The following IFT43 variants were observed in gnomAD, a reference collection of about 807,000 sequenced individuals.
IFT43 encodes intraflagellar transport 43, also known as intraflagellar transport protein 43 homolog.
Under a neutral mutation model 32.3 loss-of-function variants are expected in IFT43, and 33 were observed. That is an observed-to-expected ratio of 1.02 (90% CI 0.77 to 1.37). The LOEUF (loss-of-function observed/expected upper bound fraction) is 1.37. Ranked by LOEUF, IFT43 falls within the 40% of genes most tolerant of loss-of-function variation. The pLI, the probability that IFT43 is intolerant of heterozygous loss-of-function variation, is 0.00. For synonymous variants in IFT43, 93 were observed against 98.2 expected (o/e 0.95, Z 0.31); for missense variants, 274 against 265.9 (o/e 1.03, Z -0.21).
chr14:75,999,269 ATATGTATATATATTTTTT>A (rs1246166205), intron 2 of IFT43, among the ~76,000 whole-genome samples: 4 of 24,252 alleles, frequency 1.6e-4, no homozygotes, highest in African/African-American at 9.5e-4. Context: ...ATATATATAT[ATATGTATATATATTTTTT>A]TTTTTTTTTT....
At chr14:75,990,579 T>A (rs2035617815) in intron 2 of IFT43, among the ~76,000 whole-genome samples, 1 of 152,174 alleles carries the variant, frequency 6.6e-6, no homozygotes, top group Admixed American at 6.5e-5. Flanking sequence ...TAGTGTGTGA[T>A]GTACTTACAC....
intron 3 of IFT43, among the ~76,000 whole-genome samples, chr14:76,040,095 G>A (rs2036678990): frequency 6.6e-6 from 1 of 152,134 alleles, no homozygotes; most frequent in Admixed American, 6.5e-5. Flanking sequence ...TGGGACTGCA[G>A]GTGTGTGTCA....
chr14:76,071,629 C>G (rs963082275), intron 5 of IFT43, among the ~76,000 whole-genome samples: 2 of 152,140 alleles, frequency 1.3e-5, no homozygotes, highest in African/African-American at 4.8e-5. Context: ...TTCCTCCATA[C>G]AGGTACACGA....
intron 3 of IFT43, among the ~76,000 whole-genome samples, chr14:76,026,617 G>A (rs1402776384): frequency 2.0e-5 from 3 of 151,374 alleles, no homozygotes; most frequent in African/African-American, 7.3e-5. Context: ...AAAAAGGAAC[G>A]ATTATACAGT....
chr14:76,082,201 G>C (rs2037522511), intron 5 of IFT43, 94 bp from the exon 6 acceptor site: 1 of 1,123,098 alleles, frequency 8.9e-7, no homozygotes. Flanking sequence ...CAGCCCCATG[G>C]CTGGTGTGTT....
At chr14:75,993,338 C>T (rs905330905) in intron 2 of IFT43, among the ~76,000 whole-genome samples, 1 of 152,176 alleles carries the variant, frequency 6.6e-6, no homozygotes, top group African/African-American at 2.4e-5. Flanking sequence ...GAAGCCCTGG[C>T]ACAGTGAGAA....
At chr14:76,063,272 G>A (rs895602666) in intron 5 of IFT43, among the ~76,000 whole-genome samples, 4 of 152,174 alleles carry the variant, frequency 2.6e-5, no homozygotes, top group African/African-American at 7.2e-5. Flanking sequence ...ATCATAATGC[G>A]TAACCCCCTC....
intron 3 of IFT43, among the ~76,000 whole-genome samples, chr14:76,036,596 G>A (rs1355830802): frequency 7.2e-5 from 11 of 151,966 alleles, no homozygotes; most frequent in Non-Finnish European, 1.5e-4. Context: ...GTAGAGACAA[G>A]GTTTTGCCAT....
intron 3 of IFT43, among the ~76,000 whole-genome samples, chr14:76,034,036 T>A (rs2036555028): frequency 6.6e-6 from 1 of 152,202 alleles, no homozygotes; most frequent in Non-Finnish European, 1.5e-5. Flanking sequence ...GTAACTTTAT[T>A]GTCAGTCTAG....
intron 3 of IFT43, among the ~76,000 whole-genome samples, chr14:76,034,062 G>A (rs2036555441): frequency 1.3e-5 from 2 of 152,220 alleles, no homozygotes; most frequent in Admixed American, 1.3e-4. Flanking sequence ...GCAGAGAATT[G>A]ACCCCGGAAA....
chr14:76,011,096 G>C (rs1041976986), intron 2 of IFT43, among the ~76,000 whole-genome samples: 1 of 151,908 alleles, frequency 6.6e-6, no homozygotes, highest in African/African-American at 2.4e-5. Flanking sequence ...TATTGGTAGA[G>C]ATGGGGTCTC....
intron 5 of IFT43, among the ~76,000 whole-genome samples, chr14:76,074,991 GGA>G (rs1331446647): frequency 2.0e-5 from 3 of 152,162 alleles, no homozygotes; most frequent in African/African-American, 4.8e-5. Flanking sequence ...AGCAGTATCA[GGA>G]GAGATTCAGT....
intron 3 of IFT43, among the ~76,000 whole-genome samples, chr14:76,033,123 T>C (rs1402727375): frequency 1.3e-5 from 2 of 152,074 alleles, no homozygotes; most frequent in East Asian, 3.9e-4. Flanking sequence ...CAAGGGGCCT[T>C]TGAGAAAGTG....
intron 2 of IFT43, among the ~76,000 whole-genome samples, chr14:76,012,325 A>G (rs1238190551): frequency 6.6e-6 from 1 of 152,198 alleles, no homozygotes; most frequent in African/African-American, 2.4e-5. Context: ...GGAACCATAT[A>G]AAGATCAGAA....
intron 3 of IFT43, among the ~76,000 whole-genome samples, chr14:76,039,435 C>T (rs2036665415): frequency 6.6e-6 from 1 of 152,168 alleles, no homozygotes; most frequent in Non-Finnish European, 1.5e-5. Context: ...GCTGGGATTA[C>T]AGGTGTGAAT....
intron 3 of IFT43, among the ~76,000 whole-genome samples, chr14:76,030,892 T>A (rs72725681): frequency 0.29 from 43,896 of 151,580 alleles, 6,404 homozygotes; most frequent in African/African-American, 0.31. Flanking sequence ...AAAGATGTAT[T>A]CAGTGATGTC....
At chr14:76,063,023 C>T (rs1015346269) in intron 5 of IFT43, among the ~76,000 whole-genome samples, 7 of 150,142 alleles carry the variant, frequency 4.7e-5, no homozygotes, top group African/African-American at 1.5e-4. Flanking sequence ...TTTCTTAAAT[C>T]AATTTGAGCA....
chr14:76,059,684 C>G (rs2037093142), intron 5 of IFT43: 2 of 415,682 alleles, frequency 4.8e-6, no homozygotes, highest in African/African-American at 2.0e-5. Flanking sequence ...CTCCTCTAAC[C>G]TCCTTGGCAA....
At chr14:76,030,276 G>C (rs187446883) in intron 3 of IFT43, among the ~76,000 whole-genome samples, 2 of 152,054 alleles carry the variant, frequency 1.3e-5, no homozygotes, top group East Asian at 3.9e-4. Flanking sequence ...TGCTCAGATT[G>C]TCCCATGTTT....
Sources: gnomAD v4.1 joint callset for allele counts (sites outside exome capture counted in the v4.1 genomes callset) on GRCh38, gnomAD v4.1.1 for gene constraint, MANE v1.5 for transcripts, NCBI Gene and HGNC (gene_info 2026-07-23, HGNC 2026-07-21) for gene names.